Variants in CKAP5 observed in about 807,000 individuals in gnomAD.
CKAP5 encodes cytoskeleton-associated protein 5.
Under a neutral mutation model 232.8 loss-of-function variants are expected in CKAP5, and 27 were observed. That is an observed-to-expected ratio of 0.12 (90% CI 0.09 to 0.16). CKAP5 has a LOEUF of 0.16. Ranked by LOEUF, CKAP5 falls within the 10% of genes least tolerant of loss-of-function variation. The probability of loss-of-function intolerance (pLI) is 1.00; values close to 1 mark genes in which losing one functional copy is unlikely to be tolerated. For synonymous variants in CKAP5, 785 were observed against 841.1 expected, an observed-to-expected ratio of 0.93 and a Z score of 1.16; for missense variants, 1,838 against 2,424.7, an observed-to-expected ratio of 0.76 and a Z score of 5.08.
chr11:46,824,085 C>A (rs1284876639), intron 1 of CKAP5, among the ~76,000 whole-genome samples: 1 of 152,090 alleles, frequency 6.6e-6, no homozygotes, highest in Non-Finnish European at 1.5e-5. Context: ...TATTAAGTAA[C>A]CTGCCAAAAC....
intron 1 of CKAP5, among the ~76,000 whole-genome samples, chr11:46,832,607 G>C (rs778033636): frequency 6.6e-6 from 1 of 152,136 alleles, no homozygotes; most frequent in Non-Finnish European, 1.5e-5. Context: ...TCTTGAACAC[G>C]TATTATGTGC....
intron 13 of CKAP5, among the ~76,000 whole-genome samples, chr11:46,791,768 T>C (rs898724573): frequency 1.1e-4 from 17 of 152,128 alleles, no homozygotes; most frequent in Admixed American, 9.8e-4. Context: ...AAGTAGTATA[T>C]TACAATGTAC....
chr11:46,810,208 G>A (rs1387523268), intron 5 of CKAP5, among the ~76,000 whole-genome samples: 1 of 152,124 alleles, frequency 6.6e-6, no homozygotes, highest in Non-Finnish European at 1.5e-5. Flanking sequence ...CTGACCTCAG[G>A]TGATCCTCCT....
rs1321575563 is a variant in CKAP5, at chr11:46,758,970, G to T, written c.4642C>A (p.Gln1548Lys). The change falls in exon 35 of 44, where the codon CAA becomes AAA. Residue 1548 changes from glutamine to lysine, a missense_variant. Gln to Lys is a moderately conservative substitution (Grantham distance 53, BLOSUM62 1). Transcript: ENST00000529230. ...GTGTTGATGTCACCACTGGCTACTTGGGAGATAATGAAATTGATTGTGGAT... is the reference window on the plus strand; with the variant it reads ...GTGTTGATGTCACCACTGGCTACTTTGGAGATAATGAAATTGATTGTGGAT... ...TASTINFIIS[Q>K]VASGDINTSI... 2 of 1,613,566 alleles carry T rather than the reference G, an allele frequency of 1.2e-6. No homozygotes were observed. The highest frequency in any genetic ancestry group is 1.7e-6 in the Non-Finnish European group (2 of 1,179,916).
rs148029539 is a variant in CKAP5, at chr11:46,761,408, A to G, written c.4221+592T>C. 5.9e-3 allele frequency among the ~76,000 whole-genome samples: 900 copies of G among 152,262 alleles called. 7 individuals carry two copies. The highest frequency in any genetic ancestry group is 0.021 in the African/African-American group (871 of 41,534). On this transcript the variant is annotated intron_variant, in intron 32 of 43. Coordinates refer to ENST00000529230, the MANE Select transcript of CKAP5 (RefSeq NM_001008938.4). ...AAACTTCATTTTTGGTCATCTGTAA[A>G]ATTCCCAACTGCTTTATATTCTTCA...
intron 36 of CKAP5, among the ~76,000 whole-genome samples, chr11:46,754,657 G>A (rs1179820194): frequency 6.6e-6 from 1 of 152,192 alleles, no homozygotes; most frequent in Admixed American, 6.5e-5. Flanking sequence ...GAAACTGGCC[G>A]GAAGAAGCTA....
At chr11:46,781,609 A>T (rs1029013933) in intron 18 of CKAP5, among the ~76,000 whole-genome samples, 3 of 152,028 alleles carry the variant, frequency 2.0e-5, no homozygotes, top group Non-Finnish European at 4.4e-5. Flanking sequence ...ATGTACTCCT[A>T]CCACAGAGCT....
At chr11:46,779,731 C>T (rs560403534) in intron 20 of CKAP5, among the ~76,000 whole-genome samples, 1 of 152,252 alleles carries the variant, frequency 6.6e-6, no homozygotes, top group South Asian at 2.1e-4. Flanking sequence ...GTGATCCTCC[C>T]ACCTTGGCCT....
intron 4 of CKAP5, among the ~76,000 whole-genome samples, chr11:46,811,798 T>C (rs1939280475): frequency 6.6e-6 from 1 of 152,170 alleles, no homozygotes; most frequent in African/African-American, 2.4e-5. Flanking sequence ...TATGTATGTA[T>C]ATACATATAA....
intron 4 of CKAP5, among the ~76,000 whole-genome samples, chr11:46,813,969 A>G (rs1471333543): frequency 6.6e-6 from 1 of 151,586 alleles, no homozygotes; most frequent in Admixed American, 6.6e-5. Context: ...CATCTCTATT[A>G]AAGAAAAAAA....
chr11:46,812,794 T>C (rs1939307772), intron 4 of CKAP5, among the ~76,000 whole-genome samples: 1 of 152,038 alleles, frequency 6.6e-6, no homozygotes, highest in Non-Finnish European at 1.5e-5. Context: ...GGCACCACCA[T>C]GCCCGGCTAA....
chr11:46,844,839 A>G (rs1396894390), intron 1 of CKAP5, among the ~76,000 whole-genome samples: 1 of 152,050 alleles, frequency 6.6e-6, no homozygotes, highest in African/African-American at 2.4e-5. Context: ...AGAGAGAGAG[A>G]GAGACGGGGT....
chr11:46,793,637 T>G (rs1328278208), intron 13 of CKAP5, among the ~76,000 whole-genome samples: 2 of 152,212 alleles, frequency 1.3e-5, no homozygotes, highest in Non-Finnish European at 2.9e-5. Flanking sequence ...AATATACTCC[T>G]CCTGGCTGGG....
At chr11:46,810,905 T>C (rs1939259995) in intron 5 of CKAP5, 102 bp downstream of exon 5, 1 of 1,092,636 alleles carries the variant, frequency 9.2e-7, no homozygotes, top group African/African-American at 1.6e-5. Context: ...AAATTAAGAA[T>C]GTAAAATAAT....
intron 3 of CKAP5, among the ~76,000 whole-genome samples, chr11:46,817,323 G>C (rs1420109875): frequency 6.6e-6 from 1 of 152,114 alleles, no homozygotes; most frequent in African/African-American, 2.4e-5. Flanking sequence ...TAGGAAAAGA[G>C]AATTTCTTCA....
intron 1 of CKAP5, among the ~76,000 whole-genome samples, chr11:46,841,157 C>G (rs1940042996): frequency 6.6e-6 from 1 of 151,958 alleles, no homozygotes; most frequent in African/African-American, 2.4e-5. Context: ...GTAATCCCAG[C>G]TACTCGGGAG....
At chr11:46,809,294 T>A in intron 7 of CKAP5, 106 bp downstream of exon 7, 1 of 691,012 alleles carries the variant, frequency 1.4e-6, no homozygotes. Context: ...AGGGAAGATA[T>A]GGGATGGAAG....
At chr11:46,818,270 CA>C in intron 3 of CKAP5, 39 bp downstream of exon 3, 1 of 1,462,752 alleles carries the variant, frequency 6.8e-7, no homozygotes, top group Non-Finnish European at 9.2e-7. Context: ...TAACACCAAA[CA>C]GGGGTTTTTA....
intron 1 of CKAP5, among the ~76,000 whole-genome samples, chr11:46,834,235 T>C (rs891430149): frequency 1.3e-4 from 20 of 152,186 alleles, no homozygotes; most frequent in African/African-American, 4.6e-4. Flanking sequence ...GTGGGCTAAC[T>C]TGGCCTGGTG....
Sources: gnomAD v4.1 joint callset for allele counts (sites outside exome capture counted in the v4.1 genomes callset) on GRCh38, gnomAD v4.1.1 for gene constraint, MANE v1.5 for transcripts, NCBI Gene and HGNC (gene_info 2026-07-23, HGNC 2026-07-21) for gene names.